Variants in VPS11 observed in about 807,000 individuals in gnomAD.
VPS11 encodes the protein vacuolar protein sorting-associated protein 11 homolog.
Under a neutral mutation model 106.8 loss-of-function variants are expected in VPS11, and 51 were observed. The observed-to-expected ratio is 0.48, with a 90% CI of 0.38 to 0.60. The LOEUF is 0.60. Among genes scored for constraint, VPS11 ranks in the 20% least tolerant of loss-of-function variants. VPS11 has a pLI of 0.00. For synonymous variants in VPS11, 453 were observed against 458.7 expected (o/e 0.99, Z 0.16); for missense variants, 950 against 1,190.0 (o/e 0.80, Z 2.97).
rs781980759 is a variant in VPS11, at chr11:119,081,519, A to G, written c.2722A>G (p.Asn908Asp). ...TGACTACTTTGGCAGAGGTGTTTTC[A>G]ACAAATTGACTCTGCTGACCGACCC... ...IADYFGRGVF[N>D]KLTLLTDPPT... The change falls in exon 16 of 16, where the codon AAC (asparagine) becomes GAC (aspartate). Residue 908 changes from asparagine to aspartate, a missense_variant. Transcript: ENST00000621676. The G allele has an allele frequency of 4.8e-5, 78 of 1,613,848 alleles. 1 individual carries two copies. The Admixed American group carries it at 1.3e-3, about 27-fold the overall frequency.
chr11:119,071,935 A>C, intron 5 of VPS11, 92 bp downstream of exon 5: 1 of 1,492,580 alleles, frequency 6.7e-7, no homozygotes, highest in South Asian at 1.3e-5. Flanking sequence ...GATACTGCCA[A>C]TCTCCTACTC....
At chr11:119,076,777 C>T (rs1336656009) in intron 7 of VPS11, 120 bp from the exon 8 acceptor site, 2 of 1,170,904 alleles carry the variant, frequency 1.7e-6, no homozygotes, top group Middle Eastern at 2.0e-4. Flanking sequence ...AATCTCAGGC[C>T]CCACTCCAGA....
rs782411333 is a variant in VPS11 at position 119,073,443 on chromosome 11, G to A, written c.1086+44G>A. On this transcript the variant is annotated intron_variant, in intron 6 of 15. Transcript: ENST00000621676. ...CAGAGCTGGCCACAGGCACCTAGAA[G>A]CAGCTGCAGGAGCAGGTTCCCCAAG... 2.5e-6 allele frequency: 4 copies of A among 1,596,378 alleles called. No individual in the cohort carries two copies. The South Asian group carries it at 4.5e-5, about 18-fold the overall frequency.
chr11:119,080,515 C>T (rs947354179), intron 14 of VPS11, among the ~76,000 whole-genome samples: 7 of 151,736 alleles, frequency 4.6e-5, no homozygotes, highest in Non-Finnish European at 4.4e-5. Context: ...ATTACAGGTG[C>T]CTGCCATCAT....
Position 119,081,822 on chromosome 11 carries a change from C to CT in VPS11, c.*199_*200insT. ...GCTTGCCATCCCTCCTCTTCACTAG[C>CT]AGTGTAGATCATTCCAGATCAGTGG... On this transcript the variant is annotated 3_prime_UTR_variant, in exon 16 of 16. Coordinates refer to ENST00000621676, the MANE Select transcript of VPS11 (RefSeq NM_021729.6). 1 of 699,672 alleles carries CT rather than the reference C, an allele frequency of 1.4e-6. No homozygotes were observed. The highest frequency in any genetic ancestry group is 2.3e-6 in the Non-Finnish European group (1 of 429,986). 43.3% of individuals were successfully genotyped at this position (699,672 alleles called of 1,614,324 possible).
Position 119,075,718 on chromosome 11 carries a change from G to T in VPS11, c.1239-1179G>T, listed in dbSNP as rs545985737. Among the ~76,000 whole-genome samples the T allele has an allele frequency of 4.6e-5, 7 of 151,676 alleles. No individual in the cohort carries two copies. In the South Asian group the frequency reaches 8.3e-4, roughly 18 times the overall value. On this transcript the variant is annotated intron_variant, in intron 7 of 15. Coordinates refer to ENST00000621676, the MANE Select transcript of VPS11 (RefSeq NM_021729.6). ...AATACAAAAATTAGCTGGGCATGGT[G>T]GCGGGCGCCTGTAATCCCATCTTAA...
Position 119,077,488 on chromosome 11 carries a change from G to A in VPS11, c.1426-13G>A, listed in dbSNP as rs782345690. 7.5e-5 allele frequency: 121 copies of A among 1,611,820 alleles called. No homozygotes were observed. The highest frequency in any genetic ancestry group is 9.5e-5 in the Non-Finnish European group (112 of 1,178,778). On this transcript the variant is annotated splice_polypyrimidine_tract_variant and intron_variant, in intron 8 of 15. Transcript: ENST00000621676. ...CTCTGTGTAAATGATTTTGTCTCAT[G>A]TCTCCCTGGCAGAAAAAGAGTGAGA...
In VPS11 at chr11:119,070,330, C is replaced by G; in HGVS notation, c.569C>G (p.Thr190Ser). The G allele has an allele frequency of 6.2e-7, 1 of 1,613,372 alleles. No individual in the cohort carries two copies. ...TTGCACAAGGGCAACTATCCTGTAACTGGATTGGCCTTTCGCCAAGCAGGA... is the reference window on the plus strand; with the variant it reads ...TTGCACAAGGGCAACTATCCTGTAAGTGGATTGGCCTTTCGCCAAGCAGGA... ...QILHKGNYPV[T>S]GLAFRQAGKT... Residue 190 changes from threonine (T) to serine (S), a missense_variant, in exon 4 of 16, where the codon ACT becomes AGT. Physicochemically the swap from Thr to Ser is moderately conservative, Grantham distance 58. Transcript: ENST00000621676.
At chr11:119,081,410 C>G (rs1326697955) in intron 15 of VPS11, 49 bp from the exon 16 acceptor site, 6 of 1,612,166 alleles carry the variant, frequency 3.7e-6, no homozygotes, top group Non-Finnish European at 5.1e-6. Context: ...ATTTAAGAAA[C>G]AAGCACTTTG....
intron 8 of VPS11, 91 bp from the exon 9 acceptor site, chr11:119,077,410 C>A: frequency 6.7e-7 from 1 of 1,482,708 alleles, no homozygotes; most frequent in Non-Finnish European, 9.1e-7. Flanking sequence ...GTTATGATAT[C>A]ACCTTAGGAA....
intron 5 of VPS11, 192 bp downstream of exon 5, chr11:119,072,035 C>A: frequency 1.5e-6 from 1 of 650,948 alleles, no homozygotes; most frequent in Non-Finnish European, 2.5e-6. Flanking sequence ...GGCGTGATCT[C>A]GGCTCACTGC....
chr11:119,075,262 C>T (rs905121288), intron 7 of VPS11, among the ~76,000 whole-genome samples: 1 of 150,464 alleles, frequency 6.6e-6, no homozygotes, highest in African/African-American at 2.4e-5. Flanking sequence ...GCAGGACTGT[C>T]TCAAAAAAAA....
chr11:119,068,523 C>T (rs1156567648), intron 1 of VPS11, among the ~76,000 whole-genome samples: 2 of 141,160 alleles, frequency 1.4e-5, no homozygotes, highest in Admixed American at 7.8e-5. Context: ...GATCTGGGCT[C>T]ACTGTAACCG....
At chr11:119,070,032 T>TAAATAAATAAAAA (rs1243110961) in intron 3 of VPS11, among the ~76,000 whole-genome samples, 6 of 147,718 alleles carry the variant, frequency 4.1e-5, no homozygotes, top group African/African-American at 1.5e-4. Flanking sequence ...ATAAATAAAA[T>TAAATAAATAAAAA]AAATAAAGTT....
chr11:119,078,093 G>T (rs1945700697), intron 10 of VPS11, 27 bp downstream of exon 10: 1 of 1,609,352 alleles, frequency 6.2e-7, no homozygotes, highest in South Asian at 1.1e-5. Context: ...AAGAGCTTCA[G>T]ACTGTGGGGA....
At chr11:119,072,921 A>C in intron 5 of VPS11, 2 of 447,502 alleles carry the variant, frequency 4.5e-6, no homozygotes, top group Non-Finnish European at 8.2e-6. Flanking sequence ...TACATATACC[A>C]TGTATTGGAT....
Position 119,073,188 on chromosome 11 carries a change from T to G in VPS11, c.885-10T>G. On this transcript the variant is annotated splice_polypyrimidine_tract_variant and intron_variant, in intron 5 of 15. Transcript: ENST00000621676. ...GTCCAAACATCTGGTGCTTTTTCTT[T>G]CCTATGCAGGTCAGAGTTTACCAGC... 1 of 1,608,806 alleles carries G rather than the reference T, an allele frequency of 6.2e-7. No homozygotes were observed. Among genetic ancestry groups the G allele is most frequent in the Non-Finnish European group, 8.5e-7 (1 of 1,177,400 alleles).
At chr11:119,077,729 GATCCTCCCACCCC>G in intron 9 of VPS11, 82 bp downstream of exon 9, 1 of 1,541,104 alleles carries the variant, frequency 6.5e-7, no homozygotes, top group Non-Finnish European at 8.8e-7. Context: ...GGGCTCAGGT[GATCCTCCCACCCC>G]ATCCTCCTGA....
chr11:119,080,762 T>C (rs1266146755), intron 14 of VPS11, among the ~76,000 whole-genome samples: 1 of 152,128 alleles, frequency 6.6e-6, no homozygotes, highest in Non-Finnish European at 1.5e-5. Context: ...GTTAACAAGT[T>C]TAGAGAAGGT....
Sources: gnomAD v4.1 joint callset for allele counts (sites outside exome capture counted in the v4.1 genomes callset) on GRCh38, gnomAD v4.1.1 for gene constraint, MANE v1.5 for transcripts, NCBI Gene and HGNC (gene_info 2026-07-23, HGNC 2026-07-21) for gene names.